STK24: variants seen among roughly 807,000 people sequenced by gnomAD.
STK24 encodes the protein serine/threonine kinase 24.
In STK24, 21 loss-of-function variants were observed where a neutral mutation model predicts 55.6. That is an observed-to-expected ratio of 0.38 (90% CI 0.27 to 0.54). The LOEUF (loss-of-function observed/expected upper bound fraction) is 0.54, where lower values mean the gene tolerates loss of function less well. Among genes scored for constraint, STK24 ranks in the 20% least tolerant of loss-of-function variants. The pLI is 0.79. For missense variants in STK24, 383 were observed against 538.4 expected, an observed-to-expected ratio of 0.71 and a Z score of 2.86; for synonymous variants, 200 against 215.2, an observed-to-expected ratio of 0.93 and a Z score of 0.62.
At chr13:98,545,448 C>G (rs2139426543) in intron 1 of STK24, among the ~76,000 whole-genome samples, 1 of 152,158 alleles carries the variant, frequency 6.6e-6, no homozygotes, top group South Asian at 2.1e-4. Context: ...AGATCCAGAT[C>G]ACGGTGAAAC....
At chr13:98,535,398 TACACACACACAC>T (rs56768700) in intron 1 of STK24, among the ~76,000 whole-genome samples, 81,908 of 142,664 alleles carry the variant, frequency 0.57, 25,201 homozygotes, top group Non-Finnish European at 0.7. Context: ...TATGTGTGTA[TACACACACACAC>T]ACACACACAC....
chr13:98,558,458 G>C (rs9669902), intron 1 of STK24, among the ~76,000 whole-genome samples: 1 of 152,284 alleles, frequency 6.6e-6, no homozygotes, highest in East Asian at 1.9e-4. Flanking sequence ...CTACAATGGA[G>C]AAGGGGGTAC....
At position 98,450,747 on chromosome 13, in the gene STK24, G is replaced by C. The variant is rs150026218; in HGVS notation, c.*2426C>G. On this transcript the variant is annotated 3_prime_UTR_variant, in exon 11 of 11. Coordinates refer to ENST00000539966, the MANE Select transcript of STK24 (RefSeq NM_001032296.4). ...CTACAGACCAGCAGCAGTTGACGCTGAGGCAGGTTCCAGTGGTAGCCCTGG... is the reference window on the plus strand; with the variant it reads ...CTACAGACCAGCAGCAGTTGACGCTCAGGCAGGTTCCAGTGGTAGCCCTGG... The C allele has an allele frequency of 4.3e-4, 66 of 152,418 alleles. No individual in the cohort carries two copies. The highest frequency in any genetic ancestry group is 1.5e-3 in the African/African-American group (62 of 41,584). The allele number at this position is 152,418 out of a possible 1,614,324, so 9.4% of individuals were successfully genotyped here. A position where few individuals can be genotyped will look rare whatever the true frequency, so the allele number is the denominator to read the frequency against.
chr13:98,510,461 C>T (rs1301633412), intron 2 of STK24, among the ~76,000 whole-genome samples: 17 of 152,210 alleles, frequency 1.1e-4, no homozygotes, highest in Admixed American at 1.0e-3. Context: ...AACATATCCA[C>T]ACAAAAACTT....
At chr13:98,533,079 ACAAT>A (rs1384115657) in intron 1 of STK24, among the ~76,000 whole-genome samples, 1 of 152,260 alleles carries the variant, frequency 6.6e-6, no homozygotes, top group Non-Finnish European at 1.5e-5. Flanking sequence ...CTAGGTCTAC[ACAAT>A]CAATTAGTTT....
chr13:98,576,184 G>A (rs1897886429), intron 1 of STK24: 3 of 985,270 alleles, frequency 3.0e-6, no homozygotes, highest in Admixed American at 6.1e-5. Context: ...CAAAGCCACT[G>A]CAAGTGGAAC....
chr13:98,461,967 G>C, intron 7 of STK24, 70 bp from the exon 8 acceptor site: 2 of 1,588,728 alleles, frequency 1.3e-6, no homozygotes, highest in East Asian at 4.5e-5. Context: ...GGACGTTCAG[G>C]GGGAGGCCGC....
intron 1 of STK24, among the ~76,000 whole-genome samples, chr13:98,546,417 T>G (rs1897030349): frequency 6.6e-6 from 1 of 152,122 alleles, no homozygotes; most frequent in African/African-American, 2.4e-5. Context: ...TTTTATAATT[T>G]TGCTTTAAAA....
intron 1 of STK24, among the ~76,000 whole-genome samples, chr13:98,535,370 A>AT (rs1348117880): frequency 3.4e-3 from 189 of 55,938 alleles, no homozygotes; most frequent in Admixed American, 4.2e-3. Flanking sequence ...ACAAAAAAAA[A>AT]ATATATATAT....
At chr13:98,518,726 T>C (rs748619322) in intron 2 of STK24, among the ~76,000 whole-genome samples, 2 of 152,228 alleles carry the variant, frequency 1.3e-5, no homozygotes, top group African/African-American at 4.8e-5. Flanking sequence ...TGTCATATTA[T>C]TATAACTACC....
intron 2 of STK24, among the ~76,000 whole-genome samples, chr13:98,518,438 GTA>G (rs1896145207): frequency 6.6e-6 from 1 of 152,074 alleles, no homozygotes; most frequent in African/African-American, 2.4e-5. Context: ...TCATAGTTCT[GTA>G]TTCCACAATA....
intron 1 of STK24, among the ~76,000 whole-genome samples, chr13:98,530,635 A>G (rs751813999): frequency 1.3e-5 from 2 of 152,160 alleles, no homozygotes; most frequent in African/African-American, 2.4e-5. Flanking sequence ...CAAGGGCACA[A>G]AAGAAGAACC....
intron 3 of STK24, among the ~76,000 whole-genome samples, chr13:98,475,783 C>T (rs7996629): frequency 0.54 from 81,559 of 152,092 alleles, 22,226 homozygotes; most frequent in Non-Finnish European, 0.58. Context: ...GGGGATTTCA[C>T]TCCAGGAAAC....
At chr13:98,472,997 G>A (rs1171868711) in intron 5 of STK24, among the ~76,000 whole-genome samples, 1 of 151,674 alleles carries the variant, frequency 6.6e-6, no homozygotes, top group Non-Finnish European at 1.5e-5. Flanking sequence ...CACTCTCTAG[G>A]GATATTTGTC....
At position 98,446,554 on chromosome 13, in the gene STK24, C is replaced by G. The variant is rs369875852; in HGVS notation, c.*6619G>C. 8.7e-7 allele frequency: 1 copy of G among 1,152,974 alleles called. No individual in the cohort carries two copies. Among genetic ancestry groups the G allele is most frequent in the Admixed American group, 1.9e-5 (1 of 53,382 alleles). 71.4% of individuals were successfully genotyped at this position (1,152,974 alleles called of 1,614,324 possible). ...CCATGGTCCCTTCCAGGCCCACGCC[C>G]GAGGAGGGAGCTGCCTGGGCTCCCA... On this transcript the variant is annotated 3_prime_UTR_variant, in exon 11 of 11. Coordinates refer to ENST00000539966, the MANE Select transcript of STK24 (RefSeq NM_001032296.4).
At chr13:98,459,556 C>T (rs771547002) in intron 9 of STK24, among the ~76,000 whole-genome samples, 1 of 152,212 alleles carries the variant, frequency 6.6e-6, no homozygotes, top group African/African-American at 2.4e-5. Flanking sequence ...GGGGGTCCCC[C>T]GCTGCGTGAC....
In STK24 at chr13:98,462,525, C is replaced by T. The variant is rs147391503; in HGVS notation, c.930-628G>A. 8.5e-5 allele frequency among the ~76,000 whole-genome samples: 13 copies of T among 152,266 alleles called. No individual in the cohort carries two copies. The East Asian group carries it at 2.1e-3, about 25-fold the overall frequency. ...TGCCTGTGGCCCCATTAAGCCTGCACCTCCTCCCGCCCCTCGGCCATACCT... is the reference window on the plus strand; with the variant it reads ...TGCCTGTGGCCCCATTAAGCCTGCATCTCCTCCCGCCCCTCGGCCATACCT... On this transcript the variant is annotated intron_variant, in intron 7 of 10. Transcript: ENST00000539966.
intron 2 of STK24, among the ~76,000 whole-genome samples, chr13:98,506,806 A>G (rs1320334667): frequency 2.0e-5 from 3 of 152,240 alleles, no homozygotes; most frequent in Admixed American, 1.3e-4. Context: ...TACCCAATAA[A>G]TACGGTGGCC....
intron 3 of STK24, among the ~76,000 whole-genome samples, chr13:98,481,800 G>A (rs1482448657): frequency 6.6e-6 from 1 of 152,086 alleles, no homozygotes; most frequent in East Asian, 1.9e-4. Flanking sequence ...TATAATCCCA[G>A]CACTTTGGGA....
Sources: allele counts gnomAD v4.1 joint callset (sites outside exome capture counted in the v4.1 genomes callset), GRCh38; gene constraint gnomAD v4.1.1; transcripts MANE v1.5; gene names NCBI Gene and HGNC (gene_info 2026-07-23, HGNC 2026-07-21).